OR51B5: variants seen among roughly 807,000 people sequenced by gnomAD.
The protein encoded by OR51B5 is olfactory receptor 51B5.
For missense variants in OR51B5, 456 were observed against 374.6 expected, an observed-to-expected ratio of 1.22 and a Z score of -1.79; for synonymous variants, 186 against 144.8, an observed-to-expected ratio of 1.28 and a Z score of -2.04.
chr11:5,468,430 C>T (rs1429107819), intron 1 of OR51B5: 1 of 323,658 alleles, frequency 3.1e-6, no homozygotes, highest in Admixed American at 4.3e-5. Context: ...CCTGGTACAC[C>T]CAAACATCAG....
chr11:5,463,448 T>C (rs888232619), intron 1 of OR51B5, among the ~76,000 whole-genome samples: 2 of 152,232 alleles, frequency 1.3e-5, no homozygotes, highest in African/African-American at 2.4e-5. Context: ...CACCTTGATA[T>C]ATCATTTACT....
At chr11:5,366,657 G>C (rs928068507) in intron 1 of OR51B5, among the ~76,000 whole-genome samples, 3 of 150,764 alleles carry the variant, frequency 2.0e-5, no homozygotes, top group Admixed American at 6.6e-5. Context: ...GGAAGGGAAG[G>C]AAAGGAAGGA....
At chr11:5,370,531 T>C (rs958421904) in intron 1 of OR51B5, among the ~76,000 whole-genome samples, 2 of 152,232 alleles carry the variant, frequency 1.3e-5, no homozygotes, top group Non-Finnish European at 2.9e-5. Context: ...TCTTTCATTC[T>C]TACTTTCTGT....
chr11:5,401,803 ATCTTTCTTT>A (rs1849970762), intron 1 of OR51B5, among the ~76,000 whole-genome samples: 1 of 40,570 alleles, frequency 2.5e-5, no homozygotes, highest in South Asian at 9.0e-4. Context: ...TAAATGCATA[ATCTTTCTTT>A]TCTTTCTTTT....
chr11:5,443,416 T>C (rs562805242), intron 1 of OR51B5, among the ~76,000 whole-genome samples: 1 of 152,028 alleles, frequency 6.6e-6, no homozygotes, highest in Non-Finnish European at 1.5e-5. Flanking sequence ...TTTCTCCTTA[T>C]GGGCTACTCT....
At chr11:5,375,828 A>G (rs981086645) in intron 1 of OR51B5, among the ~76,000 whole-genome samples, 3 of 152,188 alleles carry the variant, frequency 2.0e-5, no homozygotes, top group African/African-American at 7.2e-5. Context: ...TTAGAGACCT[A>G]CAAAGAGACT....
intron 1 of OR51B5, among the ~76,000 whole-genome samples, chr11:5,401,316 G>A (rs192197256): frequency 1.1e-4 from 16 of 152,318 alleles, no homozygotes; most frequent in Admixed American, 2.0e-4. Context: ...GGATGTGATC[G>A]TTGACAGAAT....
intron 1 of OR51B5, among the ~76,000 whole-genome samples, chr11:5,414,229 T>C (rs1444723329): frequency 1.3e-5 from 2 of 151,344 alleles, no homozygotes; most frequent in Non-Finnish European, 2.9e-5. Flanking sequence ...GACAAGCAAA[T>C]GCTGAGAGAT....
intron 1 of OR51B5, chr11:5,440,589 A>C: frequency 1.9e-6 from 3 of 1,612,918 alleles, no homozygotes; most frequent in Non-Finnish European, 2.5e-6. Flanking sequence ...GGATTTATGG[A>C]AGAACTTGAG....
At chr11:5,398,729 A>C (rs1372149739) in intron 1 of OR51B5, among the ~76,000 whole-genome samples, 1 of 151,974 alleles carries the variant, frequency 6.6e-6, no homozygotes, top group African/African-American at 2.4e-5. Flanking sequence ...TTTTCATGAG[A>C]TCTGATGGTT....
chr11:5,374,576 A>C (rs1849494562), intron 1 of OR51B5, among the ~76,000 whole-genome samples: 1 of 152,140 alleles, frequency 6.6e-6, no homozygotes, highest in South Asian at 2.1e-4. Context: ...AGAAGATAAA[A>C]ACTTTGAAAA....
chr11:5,401,643 T>C (rs975411332), intron 1 of OR51B5, among the ~76,000 whole-genome samples: 14 of 152,220 alleles, frequency 9.2e-5, no homozygotes, highest in Non-Finnish European at 1.8e-4. Flanking sequence ...ACCAATAAAA[T>C]ATTTTCACCT....
chr11:5,345,503 GA>G (rs1315465019), upstream of OR51B5, among the ~76,000 whole-genome samples: 2 of 152,174 alleles, frequency 1.3e-5, no homozygotes, highest in Non-Finnish European at 2.9e-5. Context: ...TTGAACAAAT[GA>G]AAGAATGGTG....
chr11:5,491,552 GCTT>G (rs1306175161), intron 1 of OR51B5, among the ~76,000 whole-genome samples: 32 of 152,188 alleles, frequency 2.1e-4, no homozygotes, highest in African/African-American at 7.5e-4. Flanking sequence ...TACTGAAAGA[GCTT>G]GAGGAAGCTG....
chr11:5,422,507 T>G lies in OR51B5; in HGVS notation n.85-75597A>C, dbSNP rs748790247. On this transcript the variant is annotated intron_variant and non_coding_transcript_variant, in intron 1 of 4. Coordinates refer to the OR51B5 transcript ENST00000415970. ...CAGCTCTGAGGCCTGTTTTGCTCAG[T>G]TTTTCTTCCTTCATGGATTCTCCTT... is the stretch of plus-strand genomic sequence containing the variant. 5 of 1,614,136 alleles carry G rather than the reference T, an allele frequency of 3.1e-6. No homozygotes were observed. The Admixed American group carries it at 5.0e-5, about 16-fold the overall frequency.
chr11:5,459,568 A>T (rs1851015262), intron 1 of OR51B5, among the ~76,000 whole-genome samples: 1 of 151,996 alleles, frequency 6.6e-6, no homozygotes. Context: ...AGTGGGCAAA[A>T]GACATGAACA....
intron 1 of OR51B5, among the ~76,000 whole-genome samples, chr11:5,386,602 G>A (rs1849699310): frequency 1.3e-5 from 2 of 151,962 alleles, no homozygotes. Flanking sequence ...TGAAAACAGT[G>A]CAGTGATTCA....
chr11:5,372,047 T>G (rs560348244), intron 1 of OR51B5, among the ~76,000 whole-genome samples: 1 of 152,296 alleles, frequency 6.6e-6, no homozygotes, highest in Admixed American at 6.5e-5. Context: ...TACTCTAGGT[T>G]TATACATTCC....
At chr11:5,454,157 TTC>T (rs1850911495) in intron 1 of OR51B5, 2 of 1,614,178 alleles carry the variant, frequency 1.2e-6, no homozygotes, top group Non-Finnish European at 1.7e-6. Flanking sequence ...TCATTCTGCG[TTC>T]TGTCATGGCC....
Sources: allele counts gnomAD v4.1 joint callset (sites outside exome capture counted in the v4.1 genomes callset), GRCh38; gene constraint gnomAD v4.1.1; transcripts MANE v1.5; gene names NCBI Gene and HGNC (gene_info 2026-07-23, HGNC 2026-07-21).